The following TRMT11 variants were observed in gnomAD, a reference collection of about 807,000 sequenced individuals.
TRMT11 encodes tRNA methyltransferase 11, also known as tRNA (guanine(10)-N(2))-methyltransferase TRMT11.
A neutral mutation model predicts 62.8 loss-of-function variants in TRMT11; 53 were observed. The ratio of observed to expected loss-of-function variants is 0.84; its 90% CI spans 0.68 to 1.06. The LOEUF (loss-of-function observed/expected upper bound fraction) is 1.06. Ranked by LOEUF, TRMT11 falls within the 50% of genes least tolerant of loss-of-function variation. The pLI is 0.00. For synonymous variants in TRMT11, 188 were observed against 190.3 expected (o/e 0.99, Z 0.10); for missense variants, 556 against 553.4 (o/e 1.00, Z -0.05).
intron 12 of TRMT11, 31 bp from the exon 13 acceptor site, chr6:126,038,674 T>C (rs756854734): frequency 6.5e-7 from 1 of 1,535,174 alleles, no homozygotes; most frequent in South Asian, 1.3e-5. Flanking sequence ...AAAGAAATAA[T>C]TTTTACATTT....
In TRMT11 at chr6:126,201,778, T is replaced by C. The variant is rs538711395; in HGVS notation, n.372-250T>C. On this transcript the variant is annotated intron_variant and non_coding_transcript_variant, in intron 3 of 3. Transcript: ENST00000444229. ...GTCTACTCCTTCATTCTCCTCATTT[T>C]CTCTAATATTTATTTTTCACCTGAC... is the stretch of plus-strand genomic sequence containing the variant. Among the ~76,000 whole-genome samples, 9 of 152,288 alleles carry C rather than the reference T, an allele frequency of 5.9e-5. No individual in the cohort carries two copies. In the South Asian group the frequency reaches 1.9e-3, roughly 32 times the overall value.
At chr6:126,113,470 A>T (rs540596803) in intron 18 of TRMT11, among the ~76,000 whole-genome samples, 1 of 152,214 alleles carries the variant, frequency 6.6e-6, no homozygotes, top group South Asian at 2.1e-4. Flanking sequence ...TTTCTCACCA[A>T]CAGTGATACT....
At chr6:126,207,880 A>G (rs1310631665), downstream of TRMT11, among the ~76,000 whole-genome samples, 1 of 152,232 alleles carries the variant, frequency 6.6e-6, no homozygotes, top group Non-Finnish European at 1.5e-5. Context: ...CAAGCTTAAA[A>G]CTAAAGACAT....
intron 21 of TRMT11, among the ~76,000 whole-genome samples, chr6:126,151,860 T>TTCTTTCTTTCTTTCTTTCTTTC (rs1778053839): frequency 7.4e-6 from 1 of 134,896 alleles, no homozygotes; most frequent in Non-Finnish European, 1.6e-5. Context: ...CTTTCTTTCT[T>TTCTTTCTTTCTTTCTTTCTTTC]TCTTTCCTTC....
chr6:126,083,845 G>A (rs1430414068), intron 17 of TRMT11, among the ~76,000 whole-genome samples: 1 of 151,984 alleles, frequency 6.6e-6, no homozygotes, highest in Non-Finnish European at 1.5e-5. Flanking sequence ...TAAAAATATT[G>A]CACATATAAG....
At chr6:126,020,313 AC>A (rs1263692481) in intron 11 of TRMT11, among the ~76,000 whole-genome samples, 1 of 152,174 alleles carries the variant, frequency 6.6e-6, no homozygotes, top group Non-Finnish European at 1.5e-5. Context: ...TCTTAAAAGT[AC>A]CCATGCCTAG....
intron 11 of TRMT11, among the ~76,000 whole-genome samples, chr6:126,020,547 T>G (rs1255366397): frequency 6.6e-6 from 1 of 152,228 alleles, no homozygotes; most frequent in African/African-American, 2.4e-5. Context: ...ATATTTTCAT[T>G]TTGTTTCCTG....
intron 17 of TRMT11, among the ~76,000 whole-genome samples, chr6:126,081,316 A>G (rs1286450297): frequency 6.6e-6 from 1 of 152,216 alleles, no homozygotes. Flanking sequence ...GGCACAGCCA[A>G]GAGTAGACTT....
At chr6:126,187,368 T>G (rs1057094443) in intron 1 of TRMT11, among the ~76,000 whole-genome samples, 13 of 151,666 alleles carry the variant, frequency 8.6e-5, no homozygotes, top group African/African-American at 3.1e-4. Context: ...TGCGATACAG[T>G]AAAAAAAATC....
At chr6:126,067,285 G>A (rs1214337000) in intron 17 of TRMT11, among the ~76,000 whole-genome samples, 1 of 151,828 alleles carries the variant, frequency 6.6e-6, no homozygotes, top group Non-Finnish European at 1.5e-5. Context: ...TTAACCTCAT[G>A]TAATCACCAC....
chr6:126,087,700 G>T (rs1422058706), intron 17 of TRMT11, among the ~76,000 whole-genome samples: 1 of 152,182 alleles, frequency 6.6e-6, no homozygotes, highest in East Asian at 1.9e-4. Context: ...GGCTGTTCTT[G>T]CTTTTAAACT....
chr6:126,096,663 G>C (rs1777344777), intron 17 of TRMT11, among the ~76,000 whole-genome samples: 1 of 151,922 alleles, frequency 6.6e-6, no homozygotes, highest in Non-Finnish European at 1.5e-5. Flanking sequence ...GTCAGGATGA[G>C]TCTTCTTAAT....
intron 1 of TRMT11, among the ~76,000 whole-genome samples, chr6:126,184,192 G>A (rs1778500778): frequency 6.6e-6 from 1 of 152,160 alleles, no homozygotes. Context: ...TGCAAACTAT[G>A]TTAAGAATCC....
chr6:126,098,783 C>T (rs1181053725), intron 17 of TRMT11, among the ~76,000 whole-genome samples: 2 of 152,194 alleles, frequency 1.3e-5, no homozygotes, highest in African/African-American at 4.8e-5. Context: ...TCCTATTTGT[C>T]ACATGGGCCT....
At chr6:126,237,585 G>C in the TRMT11 span, among the ~76,000 whole-genome samples, 8 of 152,198 alleles carry the variant, frequency 5.3e-5, no homozygotes, top group South Asian at 4.1e-4. Flanking sequence ...GGAGGCTGAG[G>C]GGGGAGGATC....
intron 21 of TRMT11, among the ~76,000 whole-genome samples, chr6:126,119,575 A>G (rs1386042306): frequency 1.3e-5 from 2 of 151,880 alleles, no homozygotes; most frequent in African/African-American, 2.4e-5. Flanking sequence ...GCATGGAAAG[A>G]TGGTAAAGTA....
intron 21 of TRMT11, among the ~76,000 whole-genome samples, chr6:126,138,777 AATG>A (rs1248266862): frequency 1.3e-5 from 2 of 152,092 alleles, no homozygotes; most frequent in Non-Finnish European, 2.9e-5. Flanking sequence ...TATAATCTTG[AATG>A]ATAACTTTCA....
intron 12 of TRMT11, among the ~76,000 whole-genome samples, chr6:126,024,901 T>G (rs1459637019): frequency 1.3e-5 from 2 of 152,244 alleles, no homozygotes; most frequent in Non-Finnish European, 2.9e-5. Flanking sequence ...TAGAATCATT[T>G]GAGTTAGTAA....
chr6:126,152,204 C>T (rs1778067440), intron 21 of TRMT11, among the ~76,000 whole-genome samples: 1 of 150,694 alleles, frequency 6.6e-6, no homozygotes, highest in African/African-American at 2.4e-5. Context: ...TTGTAACTTC[C>T]TGAAATGCAG....
Sources: gnomAD v4.1 joint callset for allele counts (sites outside exome capture counted in the v4.1 genomes callset) on GRCh38, gnomAD v4.1.1 for gene constraint, MANE v1.5 for transcripts, NCBI Gene and HGNC (gene_info 2026-07-23, HGNC 2026-07-21) for gene names.